The following COL12A1 variants were observed in gnomAD, a reference collection of about 807,000 sequenced individuals.
COL12A1 encodes collagen alpha-1(XII) chain.
A neutral mutation model predicts 349.7 loss-of-function variants in COL12A1; 114 were observed. The observed-to-expected ratio is 0.33, with a 90% CI of 0.28 to 0.38. The LOEUF (loss-of-function observed/expected upper bound fraction) is 0.38. Ranked by LOEUF, COL12A1 falls within the 10% of genes least tolerant of loss-of-function variation. COL12A1 has a pLI of 1.00. For missense variants in COL12A1, 3,284 were observed against 3,756.9 expected (o/e 0.87, Z 3.29); for synonymous variants, 1,369 against 1,329.0 (o/e 1.03, Z -0.66).
intron 38 of COL12A1, 97 bp from the exon 39 acceptor site, chr6:75,126,567 A>G: frequency 7.9e-7 from 1 of 1,272,310 alleles, no homozygotes. Flanking sequence ...CAATGGGAGC[A>G]ATTTCATAAT....
chr6:75,203,920 G>T (rs1376896918), intron 1 of COL12A1, among the ~76,000 whole-genome samples: 3 of 152,162 alleles, frequency 2.0e-5, no homozygotes, highest in African/African-American at 7.2e-5. Flanking sequence ...GTCCTGCGTC[G>T]GAATGCAAAA....
At chr6:75,191,159 G>C (rs1467543879) in intron 5 of COL12A1, among the ~76,000 whole-genome samples, 1 of 151,956 alleles carries the variant, frequency 6.6e-6, no homozygotes, top group East Asian at 1.9e-4. Flanking sequence ...CAATTTATAA[G>C]AGGTGTGTTA....
intron 55 of COL12A1, among the ~76,000 whole-genome samples, chr6:75,103,236 A>G (rs1308867451): frequency 6.6e-6 from 1 of 152,218 alleles, no homozygotes; most frequent in African/African-American, 2.4e-5. Context: ...TTATTTTATC[A>G]TTAATTATAT....
At chr6:75,124,517 T>A in intron 40 of COL12A1, 146 bp from the exon 41 acceptor site, 1 of 565,552 alleles carries the variant, frequency 1.8e-6, no homozygotes, top group South Asian at 2.9e-5. Context: ...CATACATGAA[T>A]CATATTTAAA....
chr6:75,177,038 A>G (rs925478658), intron 12 of COL12A1, among the ~76,000 whole-genome samples: 2 of 152,228 alleles, frequency 1.3e-5, no homozygotes, highest in Non-Finnish European at 2.9e-5. Flanking sequence ...TCAATGGTGC[A>G]TAGCAGTTTG....
intron 33 of COL12A1, 26 bp from the exon 34 acceptor site, chr6:75,133,448 C>G: frequency 6.3e-7 from 1 of 1,589,374 alleles, no homozygotes; most frequent in East Asian, 2.2e-5. Context: ...AAACAAAAAG[C>G]ATTGACTTGA....
intron 13 of COL12A1, among the ~76,000 whole-genome samples, chr6:75,169,890 A>G (rs1212254754): frequency 1.3e-5 from 2 of 152,184 alleles, no homozygotes; most frequent in Non-Finnish European, 2.9e-5. Flanking sequence ...GCTACTCAGC[A>G]TTTCTGTCCT....
At chr6:75,128,473 C>T (rs1766127461) in intron 37 of COL12A1, 48 bp from the exon 38 acceptor site, 1 of 1,448,796 alleles carries the variant, frequency 6.9e-7, no homozygotes, top group Non-Finnish European at 9.2e-7. Context: ...AGAAGACTTC[C>T]AGATCAAAAG....
chr6:75,086,978 T>C (rs1460696991), intron 65 of COL12A1, among the ~76,000 whole-genome samples: 2 of 152,152 alleles, frequency 1.3e-5, no homozygotes, highest in Non-Finnish European at 2.9e-5. Context: ...CTATCTTATT[T>C]CCAGATTGGC....
intron 2 of COL12A1, among the ~76,000 whole-genome samples, chr6:75,200,862 C>A: frequency 6.7e-6 from 1 of 149,990 alleles, no homozygotes; most frequent in African/African-American, 2.5e-5. Flanking sequence ...GAGAATAAGG[C>A]CAAAAAATGA....
At position 75,085,321 on chromosome 6, in the gene COL12A1, G is replaced by A. The variant is rs1158500654; in HGVS notation, c.*1226C>T. On this transcript the variant is annotated 3_prime_UTR_variant, in exon 66 of 66. Coordinates refer to ENST00000322507, the MANE Select transcript of COL12A1 (RefSeq NM_004370.6). ...TCGGGCTCCACCGGCACGATGAAGG[G>A]CTCGCGCTCAGGCAGGTAGGCCCCG... The A allele has an allele frequency of 4.2e-6, 2 of 471,108 alleles. No individual in the cohort carries two copies. The highest frequency in any genetic ancestry group is 1.5e-5 in the South Asian group (1 of 64,564). The allele number at this position is 471,108 out of a possible 1,614,324, so 29.2% of individuals were successfully genotyped here.
chr6:75,137,475 T>C lies in COL12A1; in HGVS notation c.5356A>G (p.Thr1786Ala). 6.2e-7 allele frequency: 1 copy of C among 1,613,538 alleles called. No individual in the cohort carries two copies. The highest frequency in any genetic ancestry group is 8.5e-7 in the Non-Finnish European group (1 of 1,179,750). ...ASGRVQKYRITYQPSTGEGNE... is the reference protein window; with the variant it reads ...ASGRVQKYRIAYQPSTGEGNE... ...CCTTCCCCTGTGGAAGGCTGATAAG[T>C]GATCCTATATTTCTGCACACGACCA... The change falls in exon 31 of 66, where the codon ACT becomes GCT. Residue 1786 changes from threonine to alanine, a missense_variant. Around this residue, in one of 2 missense-constraint regions of COL12A1, gnomAD observed 2,601 missense variants for 2,824.8 expected, o/e 0.92. Coordinates refer to ENST00000322507, the MANE Select transcript of COL12A1 (RefSeq NM_004370.6).
At position 75,192,334 on chromosome 6, in the gene COL12A1, G is replaced by C; in HGVS notation, c.212C>G (p.Thr71Ser). The part of the protein sequence containing the change: ...PTTDGPTKEF[T>S]LSASTTETLL... ...AGTTTCAGTGGTACTAGCTGAAAGG[G>C]TAAATTCTTTAGTAGGCCCATCTGG... Residue 71 changes from threonine to serine, a missense_variant, in exon 4 of 66, where the codon ACC becomes AGC. Transcript: ENST00000322507. 1 of 1,610,810 alleles carries C rather than the reference G, an allele frequency of 6.2e-7. No homozygotes were observed. Among genetic ancestry groups the C allele is most frequent in the Non-Finnish European group, 8.5e-7 (1 of 1,178,404 alleles).
At chr6:75,180,577 T>TATATATATATATATATATATATATATAC (rs1323412593) in intron 11 of COL12A1, among the ~76,000 whole-genome samples, 5 of 151,896 alleles carry the variant, frequency 3.3e-5, no homozygotes, top group African/African-American at 1.2e-4. Flanking sequence ...TATACATATA[T>TATATATATATATATATATATATATATAC]ATATTTGCCG....
chr6:75,091,554 A>C (rs1767768679), intron 60 of COL12A1, 29 bp from the exon 61 acceptor site: 2 of 1,600,136 alleles, frequency 1.2e-6, no homozygotes, highest in African/African-American at 2.7e-5. Flanking sequence ...ATACATTAGA[A>C]ACTGACAAAC....
Position 75,183,171 on chromosome 6 carries a change from A to T in COL12A1, c.1770T>A (p.Pro590=). ...VRSELEAIAS[P]PAETHVFTVE... ...CTGTGAACACATGGGTCTCTGCAGG[A>T]GGAGAGGCAATAGCTTCCAATTCTG... Residue 590 remains proline, a synonymous_variant, in exon 10 of 66, where the codon CCT becomes CCA. Coordinates refer to ENST00000322507, the MANE Select transcript of COL12A1 (RefSeq NM_004370.6). 1 of 1,614,172 alleles carries T rather than the reference A, an allele frequency of 6.2e-7. No homozygotes were observed. The highest frequency in any genetic ancestry group is 8.5e-7 in the Non-Finnish European group (1 of 1,180,026).
At position 75,133,442 on chromosome 6, in the gene COL12A1, A is replaced by G; in HGVS notation, c.5665-20T>C. ...TGGTACCTAAAGATTTTAATAAAAC[A>G]AAAAGCATTGACTTGAAAAATTTGT... On this transcript the variant is annotated intron_variant, in intron 33 of 65. Coordinates refer to ENST00000322507, the MANE Select transcript of COL12A1 (RefSeq NM_004370.6). The G allele has an allele frequency of 6.3e-7, 1 of 1,594,946 alleles. No homozygotes were observed. Among genetic ancestry groups the G allele is most frequent in the Non-Finnish European group, 8.5e-7 (1 of 1,174,494 alleles).
At chr6:75,168,655 T>C (rs1428223295) in intron 13 of COL12A1, among the ~76,000 whole-genome samples, 1 of 152,208 alleles carries the variant, frequency 6.6e-6, no homozygotes, top group East Asian at 1.9e-4. Flanking sequence ...CTTCTAAATA[T>C]CTTTTAAATC....
intron 36 of COL12A1, 105 bp from the exon 37 acceptor site, chr6:75,130,338 G>T: frequency 9.3e-7 from 1 of 1,075,196 alleles, no homozygotes; most frequent in Non-Finnish European, 1.3e-6. Context: ...TCACTCAGAT[G>T]TTTCCTCCCA....
Sources: gnomAD v4.1 joint callset for allele counts (sites outside exome capture counted in the v4.1 genomes callset) on GRCh38, gnomAD v4.1.1 for gene constraint, gnomAD v4.1.1 regional missense constraint, MANE v1.5 for transcripts, NCBI Gene and HGNC (gene_info 2026-07-23, HGNC 2026-07-21) for gene names.